Variants in COG7 observed in about 807,000 individuals in gnomAD.
COG7 encodes the protein conserved oligomeric Golgi complex subunit 7.
In COG7, 49 loss-of-function variants were observed where a neutral mutation model predicts 91.5. That is an observed-to-expected ratio of 0.54 (90% CI 0.43 to 0.68). The LOEUF is 0.68. COG7 is among the 30% of genes least tolerant of loss of function. The pLI is 0.00. For synonymous variants in COG7, 365 were observed against 388.7 expected (o/e 0.94, Z 0.72); for missense variants, 895 against 961.3 (o/e 0.93, Z 0.91).
chr16:23,421,822 G>A (rs1314306869), intron 7 of COG7, among the ~76,000 whole-genome samples: 2 of 139,752 alleles, frequency 1.4e-5, no homozygotes, highest in Non-Finnish European at 3.0e-5. Context: ...CTGCACTCCC[G>A]CCTGGGCAAC....
rs567307217 is a variant in COG7, at chr16:23,409,088, T to TGTGTGCGC, written c.1475+1206_1475+1207insGCGCACAC. On this transcript the variant is annotated intron_variant, in intron 11 of 16. Coordinates refer to ENST00000307149, the MANE Select transcript of COG7 (RefSeq NM_153603.4). ...GCGTGTGTGTGTGTGTGTGTGTGTG[T>TGTGTGCGC]GCGTGCATGTGTGTGTGTGTGTGTG... is the stretch of plus-strand genomic sequence containing the variant. 1.2e-3 allele frequency among the ~76,000 whole-genome samples: 180 copies of TGTGTGCGC among 147,906 alleles called. 1 individual carries two copies. The highest frequency in any genetic ancestry group is 3.8e-3 in the African/African-American group (152 of 39,554).
chr16:23,391,513 G>C (rs964027497), intron 16 of COG7, among the ~76,000 whole-genome samples: 1 of 152,278 alleles, frequency 6.6e-6, no homozygotes, highest in Middle Eastern at 3.4e-3. Context: ...ACAGCTCTGG[G>C]ACCCGGAGGA....
chr16:23,431,953 G>T (rs922258087), intron 6 of COG7, among the ~76,000 whole-genome samples: 1 of 151,996 alleles, frequency 6.6e-6, no homozygotes, highest in African/African-American at 2.4e-5. Context: ...ACCAGCCTGG[G>T]CAACACAGTG....
intron 3 of COG7, 85 bp from the exon 4 acceptor site, chr16:23,442,730 A>G: frequency 8.3e-7 from 1 of 1,211,232 alleles, no homozygotes; most frequent in Non-Finnish European, 1.2e-6. Flanking sequence ...TGAAAAGGCA[A>G]CTCATCAAGT....
intron 9 of COG7, chr16:23,415,470 A>T (rs1963637426): frequency 6.6e-6 from 1 of 152,224 alleles, no homozygotes. Flanking sequence ...CTTTCATCAC[A>T]TCATTTTTGT....
Position 23,445,680 on chromosome 16 carries a change from G to C in COG7, c.318+133C>G, listed in dbSNP as rs980764098. ...TCTCAAAAAAAAAAGAGCATAGCTG[G>C]AGTGCTGGGCAGAATCTTGAGTGAT... On this transcript the variant is annotated intron_variant, in intron 2 of 16. Coordinates refer to ENST00000307149, the MANE Select transcript of COG7 (RefSeq NM_153603.4). The C allele has an allele frequency of 1.3e-5, 12 of 897,102 alleles. No homozygotes were observed. The African/African-American group carries it at 2.0e-4, about 15-fold the overall frequency. 55.6% of individuals were successfully genotyped at this position (897,102 alleles called of 1,614,324 possible).
chr16:23,416,740 A>G, intron 9 of COG7: 1 of 588,830 alleles, frequency 1.7e-6, no homozygotes. Context: ...CCTCATATGA[A>G]TATGTCACAT....
At chr16:23,399,076 T>C (rs75442531) in intron 13 of COG7, among the ~76,000 whole-genome samples, 1 of 152,196 alleles carries the variant, frequency 6.6e-6, no homozygotes, top group Non-Finnish European at 1.5e-5. Context: ...ATGTAGGAAC[T>C]GCTGTCTGCA....
chr16:23,434,698 T>G lies in COG7; in HGVS notation c.625A>C (p.Lys209Gln). ...QAVDQSKVFV[K>Q]VFTEIDRMPQ... is the part of the protein sequence containing the mutation. Reference sequence around the variant, plus strand: ...ATCCGGTCAATTTCAGTAAACACCTTCACAAACACTTTGGACTGATCTAAA... The same window carrying G: ...ATCCGGTCAATTTCAGTAAACACCTGCACAAACACTTTGGACTGATCTAAA... The change falls in exon 5 of 17, where the codon AAG becomes CAG. Residue 209 changes from lysine (K) to glutamine (Q), a missense_variant. By Grantham distance (53) the Lys-to-Gln change is moderately conservative (BLOSUM62 1). Transcript: ENST00000307149. 6.2e-7 allele frequency: 1 copy of G among 1,612,806 alleles called. No homozygotes were observed. The highest frequency in any genetic ancestry group is 8.5e-7 in the Non-Finnish European group (1 of 1,178,776).
chr16:23,409,088 T>TGTGTGTGTGTGTGC (rs567307217), intron 11 of COG7, among the ~76,000 whole-genome samples: 71 of 147,912 alleles, frequency 4.8e-4, no homozygotes, highest in African/African-American at 1.6e-3. Flanking sequence ...TGTGTGTGTG[T>TGTGTGTGTGTGTGC]GCGTGCATGT....
chr16:23,439,880 A>T (rs979388652), intron 4 of COG7, among the ~76,000 whole-genome samples: 1 of 152,176 alleles, frequency 6.6e-6, no homozygotes, highest in African/African-American at 2.4e-5. Flanking sequence ...ACAATTTTTT[A>T]AATTTTTTTC....
chr16:23,390,803 C>T (rs193003944), intron 16 of COG7, among the ~76,000 whole-genome samples: 189 of 152,326 alleles, frequency 1.2e-3, no homozygotes, highest in African/African-American at 4.4e-3. Flanking sequence ...TGCTCTGTCA[C>T]GGCTGACTCA....
chr16:23,403,098 A>T (rs538310336), intron 13 of COG7, among the ~76,000 whole-genome samples: 2 of 152,354 alleles, frequency 1.3e-5, no homozygotes, highest in East Asian at 3.9e-4. Context: ...GAGCAGGGGA[A>T]AGACAGCAAG....
Position 23,418,821 on chromosome 16 carries a change from T to C in COG7, c.1016A>G (p.His339Arg). The C allele has an allele frequency of 6.2e-7, 1 of 1,613,638 alleles. No individual in the cohort carries two copies. Among genetic ancestry groups the C allele is most frequent in the Non-Finnish European group, 8.5e-7 (1 of 1,179,510 alleles). The change falls in exon 8 of 17, where the codon CAC (histidine) becomes CGC (arginine). Residue 339 changes from histidine to arginine, a missense_variant. Coordinates refer to ENST00000307149, the MANE Select transcript of COG7 (RefSeq NM_153603.4). The part of the protein sequence containing the change: ...EMALLPHLHE[H>R]NLVKVTELVD... ...CAGCTCCGTGACTTTTACCAGATTG[T>C]GTTCATCTTTAGGGAATCAGAAATG...
intron 1 of COG7, among the ~76,000 whole-genome samples, chr16:23,449,256 G>C (rs890902564): frequency 6.6e-6 from 1 of 151,800 alleles, no homozygotes. Flanking sequence ...CCAGCTACTC[G>C]GGAGGCTGAG....
chr16:23,436,532 G>A (rs941169684), intron 4 of COG7, among the ~76,000 whole-genome samples: 1 of 152,126 alleles, frequency 6.6e-6, no homozygotes, highest in Middle Eastern at 3.4e-3. Flanking sequence ...TCAGGAGCTC[G>A]AGACCAGCCT....
chr16:23,431,153 T>C (rs928243322), intron 6 of COG7, among the ~76,000 whole-genome samples: 6 of 152,162 alleles, frequency 3.9e-5, no homozygotes, highest in African/African-American at 1.4e-4. Context: ...AGGAGGTGGC[T>C]ACATGGGTAT....
chr16:23,403,862 T>C, intron 12 of COG7, 28 bp from the exon 13 acceptor site: 1 of 1,614,086 alleles, frequency 6.2e-7, no homozygotes, highest in South Asian at 1.1e-5. Flanking sequence ...AAAAGGCAGT[T>C]GTTAGGCCTG....
intron 15 of COG7, 42 bp from the exon 16 acceptor site, chr16:23,392,565 A>G (rs1239189792): frequency 1.9e-6 from 3 of 1,613,528 alleles, no homozygotes; most frequent in African/African-American, 2.7e-5. Flanking sequence ...ACAGGCCTGC[A>G]GTAGCTGCTG....
Sources: gnomAD v4.1 joint callset for allele counts (sites outside exome capture counted in the v4.1 genomes callset) on GRCh38, gnomAD v4.1.1 for gene constraint, MANE v1.5 for transcripts, NCBI Gene and HGNC (gene_info 2026-07-23, HGNC 2026-07-21) for gene names.